Variants in TFDP2 observed in about 807,000 individuals in gnomAD.
TFDP2 encodes the protein transcription factor Dp-2.
In TFDP2, 17 loss-of-function variants were observed where a neutral mutation model predicts 59.3. That is an observed-to-expected ratio of 0.29 (90% confidence interval 0.20 to 0.43). The LOEUF is 0.43. Ranked by LOEUF, TFDP2 falls within the 20% of genes least tolerant of loss-of-function variation. The pLI, the probability that TFDP2 is intolerant of heterozygous loss-of-function variation, is 1.00. For synonymous variants in TFDP2, 180 were observed against 194.7 expected, an observed-to-expected ratio of 0.92 and a Z score of 0.63; for missense variants, 391 against 528.8, an observed-to-expected ratio of 0.74 and a Z score of 2.56.
chr3:142,003,295 G>A (rs1311720598), intron 4 of TFDP2, among the ~76,000 whole-genome samples: 5 of 150,832 alleles, frequency 3.3e-5, no homozygotes, highest in Admixed American at 1.3e-4. Flanking sequence ...CACCACACCC[G>A]GCAATTTTTG....
chr3:141,989,758 G>A (rs76635799), intron 6 of TFDP2, among the ~76,000 whole-genome samples: 11,308 of 152,008 alleles, frequency 0.074, 523 homozygotes, highest in Non-Finnish European at 0.11. Context: ...CTTCTTCCAC[G>A]CAATATGCGA....
chr3:142,097,599 C>T (rs906302840), intron 2 of TFDP2, among the ~76,000 whole-genome samples: 23 of 152,098 alleles, frequency 1.5e-4, no homozygotes, highest in Admixed American at 1.2e-3. Flanking sequence ...GTGGGAGCAT[C>T]GCTTGAGCCC....
chr3:142,057,450 G>A (rs1423433542), intron 3 of TFDP2, among the ~76,000 whole-genome samples: 3 of 152,268 alleles, frequency 2.0e-5, no homozygotes, highest in South Asian at 4.2e-4. Flanking sequence ...GAATGATACT[G>A]CTCTGCCAAC....
At chr3:142,047,845 G>A (rs1419092459) in intron 3 of TFDP2, among the ~76,000 whole-genome samples, 1 of 150,768 alleles carries the variant, frequency 6.6e-6, no homozygotes, top group Non-Finnish European at 1.5e-5. Flanking sequence ...GGGTTCAAGT[G>A]ATTCTCCTGC....
intron 3 of TFDP2, among the ~76,000 whole-genome samples, chr3:142,088,854 G>C (rs1159330422): frequency 6.6e-6 from 1 of 150,558 alleles, no homozygotes; most frequent in Non-Finnish European, 1.5e-5. Context: ...TTTTGACGGA[G>C]TCTTGCTCTG....
chr3:142,048,217 C>A (rs759988554), intron 3 of TFDP2, among the ~76,000 whole-genome samples: 2 of 151,942 alleles, frequency 1.3e-5, no homozygotes. Flanking sequence ...GAGTTCAAGA[C>A]CAGCCTGGGC....
intron 6 of TFDP2, among the ~76,000 whole-genome samples, chr3:141,987,141 G>A (rs968230346): frequency 5.3e-5 from 8 of 152,090 alleles, no homozygotes; most frequent in African/African-American, 1.7e-4. Context: ...TTGGCTTACT[G>A]CACTAGCAAG....
chr3:142,052,963 C>A (rs943390891), intron 3 of TFDP2, among the ~76,000 whole-genome samples: 3 of 152,026 alleles, frequency 2.0e-5, no homozygotes, highest in African/African-American at 7.2e-5. Flanking sequence ...GCACCTGCCA[C>A]TACGCCCGGC....
chr3:142,031,851 C>T (rs896330870), intron 3 of TFDP2, among the ~76,000 whole-genome samples: 2 of 151,976 alleles, frequency 1.3e-5, no homozygotes, highest in African/African-American at 4.8e-5. Flanking sequence ...CAGGCATTGG[C>T]CAAATAAAAA....
chr3:142,136,326 A>C (rs947289174), intron 1 of TFDP2, among the ~76,000 whole-genome samples: 38 of 148,338 alleles, frequency 2.6e-4, no homozygotes, highest in African/African-American at 1.0e-3. Flanking sequence ...GGTAGATTGC[A>C]AAAATTTTCT....
intron 3 of TFDP2, among the ~76,000 whole-genome samples, chr3:142,019,516 G>C (rs1438629761): frequency 2.6e-5 from 4 of 152,200 alleles, no homozygotes; most frequent in African/African-American, 7.2e-5. Context: ...CTCCCTGGAA[G>C]TGTACTTTAT....
At chr3:142,078,424 C>T (rs192693486) in intron 3 of TFDP2, among the ~76,000 whole-genome samples, 3 of 152,308 alleles carry the variant, frequency 2.0e-5, no homozygotes, top group Admixed American at 2.0e-4. Context: ...TATCTCCAGG[C>T]AGCTCAGCAC....
rs189067368 is a variant in TFDP2, at chr3:142,043,039, G to T, written c.83-37495C>A. Among the ~76,000 whole-genome samples the T allele has an allele frequency of 2.5e-3, 371 of 150,680 alleles. 3 individuals carry two copies. The highest frequency in any genetic ancestry group is 8.7e-3 in the African/African-American group (356 of 40,932). Reference sequence around the variant, plus strand: ...TTACAGGCGTGAGCCACCGTGCCCGGCGATGCTTATTTTATTATTTTTTTT... The same window carrying T: ...TTACAGGCGTGAGCCACCGTGCCCGTCGATGCTTATTTTATTATTTTTTTT... On this transcript the variant is annotated intron_variant, in intron 3 of 12. Coordinates refer to ENST00000489671, the MANE Select transcript of TFDP2 (RefSeq NM_001178139.2).
At chr3:142,094,872 T>C (rs942919962) in intron 2 of TFDP2, among the ~76,000 whole-genome samples, 5 of 152,214 alleles carry the variant, frequency 3.3e-5, no homozygotes, top group Non-Finnish European at 5.9e-5. Context: ...TACTATTAAT[T>C]ATCATCACTG....
intron 6 of TFDP2, among the ~76,000 whole-genome samples, chr3:141,984,230 G>T (rs1249109706): frequency 6.6e-6 from 1 of 152,158 alleles, no homozygotes; most frequent in East Asian, 1.9e-4. Context: ...GGTTGGGTGT[G>T]GTGGCTCACA....
In TFDP2 at chr3:141,946,030, C is replaced by T. The variant is rs1935213490; in HGVS notation, c.*6483G>A. ...CATGCTGGGGCTCGGGAAAGGAGTCCCACTTCTACCCCTCAGCTGTTTGGC... is the reference window on the plus strand; with the variant it reads ...CATGCTGGGGCTCGGGAAAGGAGTCTCACTTCTACCCCTCAGCTGTTTGGC... On this transcript the variant is annotated 3_prime_UTR_variant, in exon 13 of 13. Coordinates refer to ENST00000489671, the MANE Select transcript of TFDP2 (RefSeq NM_001178139.2). 6.6e-6 allele frequency: 1 copy of T among 152,202 alleles called. No homozygotes were observed. The highest frequency in any genetic ancestry group is 6.6e-5 in the Admixed American group (1 of 15,260). The allele number at this position is 152,202 out of a possible 1,614,324, so 9.4% of individuals were successfully genotyped here.
At position 141,947,841 on chromosome 3, in the gene TFDP2, T is replaced by C. The variant is rs1935418362; in HGVS notation, c.*4672A>G. 1 of 152,302 alleles carries C rather than the reference T, an allele frequency of 6.6e-6. No individual in the cohort carries two copies. The highest frequency in any genetic ancestry group is 2.4e-5 in the African/African-American group (1 of 41,550). 9.4% of individuals were successfully genotyped at this position (152,302 alleles called of 1,614,324 possible). ...TATAGAGACATCTGTCTTTCCACCATCTGACTCAGTAAAACTGTCTCTTTC... is the reference window on the plus strand; with the variant it reads ...TATAGAGACATCTGTCTTTCCACCACCTGACTCAGTAAAACTGTCTCTTTC... On this transcript the variant is annotated 3_prime_UTR_variant, in exon 13 of 13. Coordinates refer to ENST00000489671, the MANE Select transcript of TFDP2 (RefSeq NM_001178139.2).
intron 12 of TFDP2, 79 bp from the exon 13 acceptor site, chr3:141,952,775 G>A (rs1936075533): frequency 1.3e-6 from 2 of 1,586,370 alleles, no homozygotes; most frequent in Non-Finnish European, 1.7e-6. Flanking sequence ...AAAACAGGAA[G>A]GAGGTGCCAT....
chr3:141,989,746 G>A (rs1942537862), intron 6 of TFDP2, among the ~76,000 whole-genome samples: 1 of 152,062 alleles, frequency 6.6e-6, no homozygotes, highest in African/African-American at 2.4e-5. Context: ...TTCTGATGCT[G>A]ACTTCTTCCA....
Sources: allele counts gnomAD v4.1 joint callset (sites outside exome capture counted in the v4.1 genomes callset), GRCh38; gene constraint gnomAD v4.1.1; transcripts MANE v1.5; gene names NCBI Gene and HGNC (gene_info 2026-07-23, HGNC 2026-07-21).